STXBP5L: variants seen among roughly 807,000 people sequenced by gnomAD.
The protein encoded by STXBP5L is syntaxin binding protein 5L.
A neutral mutation model predicts 144.5 loss-of-function variants in STXBP5L; 65 were observed. The ratio of observed to expected loss-of-function variants is 0.45; its 90% confidence interval spans 0.37 to 0.55. The LOEUF (loss-of-function observed/expected upper bound fraction) is 0.55, where lower values mean the gene tolerates loss of function less well. Ranked by LOEUF, STXBP5L falls within the 20% of genes least tolerant of loss-of-function variation. The pLI is 0.00. For missense variants in STXBP5L, 1,298 were observed against 1,405.5 expected (o/e 0.92, Z 1.22); for synonymous variants, 505 against 469.6 (o/e 1.08, Z -0.97).
At position 121,205,928 on chromosome 3, in the gene STXBP5L, A is replaced by C. The variant is rs200925621; in HGVS notation, c.883A>C (p.Ser295Arg). 1.2e-4 allele frequency: 174 copies of C among 1,488,226 alleles called. No individual in the cohort carries two copies. Among genetic ancestry groups the C allele is most frequent in the Non-Finnish European group, 1.5e-4 (165 of 1,114,068 alleles). 92.2% of individuals were successfully genotyped at this position (1,488,226 alleles called of 1,614,324 possible). A position where few individuals can be genotyped will look rare whatever the true frequency, so the allele number is the denominator to read the frequency against. ...TAAATATTTTTTTTCTTTAGGAAAA[A>C]GTCAAAGAGAAGGAAGAAAATCTGA... ...PFQTTIPHGK[S>R]QREGRKSESC... is the part of the protein sequence containing the mutation. Residue 295 changes from serine (S) to arginine (R), a missense_variant, in exon 10 of 27, where the codon AGT becomes CGT. Physicochemically the swap from Ser to Arg is moderately radical, Grantham distance 110. Coordinates refer to ENST00000471454, the MANE Select transcript of STXBP5L (RefSeq NM_001308330.2).
At chr3:121,321,022 G>A (rs939848519) in intron 20 of STXBP5L, among the ~76,000 whole-genome samples, 6 of 152,120 alleles carry the variant, frequency 3.9e-5, no homozygotes, top group Admixed American at 6.6e-5. Context: ...TAATTTCAAA[G>A]CAGACTCAGA....
chr3:121,289,070 C>T (rs1264649946), intron 19 of STXBP5L, among the ~76,000 whole-genome samples: 1 of 152,134 alleles, frequency 6.6e-6, no homozygotes, highest in African/African-American at 2.4e-5. Flanking sequence ...ACTCCCACAA[C>T]ATGCAGTTCA....
chr3:121,378,940 G>A (rs533984799), intron 21 of STXBP5L, 54 bp downstream of exon 21: 2 of 1,548,508 alleles, frequency 1.3e-6, no homozygotes, highest in South Asian at 1.2e-5. Context: ...GTTTACAATG[G>A]TAATGGGAAC....
intron 10 of STXBP5L, among the ~76,000 whole-genome samples, chr3:121,207,223 A>G (rs180801152): frequency 6.6e-6 from 1 of 152,264 alleles, no homozygotes; most frequent in Admixed American, 6.5e-5. Context: ...CAAAAACAAG[A>G]AATGGGGAAA....
chr3:121,250,366 T>G (rs339001), intron 14 of STXBP5L, among the ~76,000 whole-genome samples: 1 of 152,026 alleles, frequency 6.6e-6, no homozygotes, highest in Non-Finnish European at 1.5e-5. Flanking sequence ...ATTCAATTCA[T>G]ATTTATATTA....
intron 2 of STXBP5L, among the ~76,000 whole-genome samples, chr3:120,949,415 T>G (rs574922850): frequency 1.3e-5 from 2 of 152,252 alleles, no homozygotes; most frequent in South Asian, 4.1e-4. Flanking sequence ...AGCTTTTTAG[T>G]TTAATTAGGT....
intron 9 of STXBP5L, among the ~76,000 whole-genome samples, chr3:121,176,824 C>A (rs1388984813): frequency 2.0e-5 from 3 of 150,910 alleles, no homozygotes; most frequent in African/African-American, 7.3e-5. Context: ...AAAAGCAGAG[C>A]AGAAAGTAAT....
Position 121,407,550 on chromosome 3 carries a change from T to C in STXBP5L, c.2895T>C (p.Cys965=), listed in dbSNP as rs2108742976. The change falls in exon 23 of 27, where the codon TGT becomes TGC. Residue 965 remains cysteine (C), a synonymous_variant. Transcript: ENST00000471454. ...TGCAAGCAAATGTGGTGGTCATGTG[T>C]AGCAGTGCCTGCTTGGCATGCTTTT... The part of the protein sequence containing the change: ...FILQANVVVM[C]SSACLACFCA... The C allele has an allele frequency of 6.2e-7, 1 of 1,613,404 alleles. No homozygotes were observed. Among genetic ancestry groups the C allele is most frequent in the East Asian group, 2.2e-5 (1 of 44,852 alleles).
intron 3 of STXBP5L, among the ~76,000 whole-genome samples, chr3:120,985,788 T>C (rs1044594917): frequency 6.6e-6 from 1 of 151,990 alleles, no homozygotes; most frequent in African/African-American, 2.4e-5. Context: ...TTTCTGACTT[T>C]AGTAATTTGA....
intron 18 of STXBP5L, among the ~76,000 whole-genome samples, chr3:121,276,965 C>T (rs2050904951): frequency 6.6e-6 from 1 of 151,628 alleles, no homozygotes; most frequent in African/African-American, 2.4e-5. Context: ...TATGAAACTC[C>T]AATTATGGAG....
chr3:121,238,531 T>C (rs1438545880), intron 12 of STXBP5L, among the ~76,000 whole-genome samples: 1 of 152,150 alleles, frequency 6.6e-6, no homozygotes, highest in Non-Finnish European at 1.5e-5. Context: ...ATCCAAACCA[T>C]AGCACTCCCA....
At chr3:121,158,855 C>T (rs1030799091) in intron 9 of STXBP5L, 14 of 152,108 alleles carry the variant, frequency 9.2e-5, no homozygotes, top group African/African-American at 3.4e-4. Flanking sequence ...CTAGACTGGA[C>T]ATTTGATACT....
intron 2 of STXBP5L, among the ~76,000 whole-genome samples, chr3:120,923,975 G>A (rs1709484112): frequency 6.6e-6 from 1 of 152,058 alleles, no homozygotes; most frequent in Non-Finnish European, 1.5e-5. Context: ...CAGAAGGAAT[G>A]CAACAAGGAT....
chr3:120,972,477 T>G (rs1940388567), intron 3 of STXBP5L, among the ~76,000 whole-genome samples: 1 of 152,022 alleles, frequency 6.6e-6, no homozygotes, highest in Non-Finnish European at 1.5e-5. Flanking sequence ...TGGAGGAGCA[T>G]TTAGGGTTTT....
intron 11 of STXBP5L, among the ~76,000 whole-genome samples, chr3:121,231,479 G>A (rs1451461995): frequency 6.6e-6 from 1 of 152,328 alleles, no homozygotes; most frequent in African/African-American, 2.4e-5. Context: ...TAATGTCAGT[G>A]TATTGCCTGA....
intron 5 of STXBP5L, among the ~76,000 whole-genome samples, chr3:121,070,731 G>C (rs1354871095): frequency 2.6e-5 from 4 of 152,034 alleles, no homozygotes; most frequent in Admixed American, 2.6e-4. Context: ...GATTTTTACA[G>C]GTGGTTTTAA....
chr3:121,134,562 C>T (rs1202090156), intron 7 of STXBP5L, among the ~76,000 whole-genome samples: 1 of 152,058 alleles, frequency 6.6e-6, no homozygotes, highest in Non-Finnish European at 1.5e-5. Flanking sequence ...CCCCTTCCCC[C>T]ACCCCATAAC....
rs539452394 is a variant in STXBP5L at position 121,087,017 on chromosome 3, T to C, written c.471-27908T>C. 2.0e-5 allele frequency among the ~76,000 whole-genome samples: 3 copies of C among 152,212 alleles called. No homozygotes were observed. In the East Asian group the frequency reaches 5.8e-4, roughly 29 times the overall value. The stretch of plus-strand genomic sequence containing the variant: ...ATTGTATCTTTCTTTTACTGATTTC[T>C]AGTTTGATTCCATTGTACTCAGAGA... On this transcript the variant is annotated intron_variant, in intron 5 of 26. Transcript: ENST00000471454.
intron 7 of STXBP5L, among the ~76,000 whole-genome samples, chr3:121,146,344 G>A (rs535732914): frequency 2.0e-5 from 3 of 151,916 alleles, no homozygotes; most frequent in African/African-American, 2.4e-5. Context: ...TTTTATTCTG[G>A]TGGGTAAAAT....
Sources: allele counts gnomAD v4.1 joint callset (sites outside exome capture counted in the v4.1 genomes callset), GRCh38; gene constraint gnomAD v4.1.1; transcripts MANE v1.5; gene names NCBI Gene and HGNC (gene_info 2026-07-23, HGNC 2026-07-21).